LEP: variants seen among roughly 807,000 people sequenced by gnomAD.
The protein encoded by LEP is leptin, also known as leptin (murine obesity homolog).
In LEP, 6 loss-of-function variants were observed where a neutral mutation model predicts 9.8. The observed-to-expected ratio is 0.61, with a 90% CI of 0.34 to 1.21. The LOEUF is 1.21. Among genes scored for constraint, LEP ranks in the 50% most tolerant of loss-of-function variants. The pLI, the probability that LEP is intolerant of heterozygous loss-of-function variation, is 0.04. For missense variants in LEP, 134 were observed against 198.1 expected (o/e 0.68, Z 1.94); for synonymous variants, 112 against 81.7 (o/e 1.37, Z -2.00).
chr7:128,250,120 G>A (rs1795256997), intron 1 of LEP, among the ~76,000 whole-genome samples: 2 of 152,208 alleles, frequency 1.3e-5, no homozygotes, highest in Non-Finnish European at 1.5e-5. Flanking sequence ...GCTAACAAGA[G>A]TGGAGCCTGC....
At chr7:128,246,315 G>A (rs540861814) in intron 1 of LEP, among the ~76,000 whole-genome samples, 3 of 152,206 alleles carry the variant, frequency 2.0e-5, no homozygotes, top group South Asian at 4.1e-4. Context: ...TGGGGGTGGG[G>A]TCCACCTGAG....
intron 2 of LEP, among the ~76,000 whole-genome samples, chr7:128,253,817 G>A (rs1258329669): frequency 6.6e-6 from 1 of 152,236 alleles, no homozygotes; most frequent in African/African-American, 2.4e-5. Flanking sequence ...CCCACCTTGG[G>A]TGGTGTAATA....
chr7:128,247,381 C>T (rs1795223800), intron 1 of LEP, among the ~76,000 whole-genome samples: 1 of 152,188 alleles, frequency 6.6e-6, no homozygotes, highest in South Asian at 2.1e-4. Flanking sequence ...TCCAAAATCT[C>T]TCCTCATGTC....
At chr7:128,245,827 G>A (rs1370917517) in intron 1 of LEP, among the ~76,000 whole-genome samples, 1 of 152,124 alleles carries the variant, frequency 6.6e-6, no homozygotes, top group African/African-American at 2.4e-5. Context: ...ATTTTGGGAG[G>A]CCGAGGCGGG....
chr7:128,247,604 T>C (rs1483730080), intron 1 of LEP, among the ~76,000 whole-genome samples: 1 of 152,060 alleles, frequency 6.6e-6, no homozygotes, highest in African/African-American at 2.4e-5. Context: ...GGCTGCCCTC[T>C]CCTCCACCTT....
In LEP at chr7:128,241,314, C is replaced by T. The variant is rs1795148255; in HGVS notation, c.-29+8C>T. 6.5e-6 allele frequency: 1 copy of T among 154,104 alleles called. No homozygotes were observed. The highest frequency in any genetic ancestry group is 2.4e-5 in the African/African-American group (1 of 41,496). The allele number at this position is 154,104 out of a possible 1,614,324, so 9.5% of individuals were successfully genotyped here. A position where few individuals can be genotyped will look rare whatever the true frequency, so the allele number is the denominator to read the frequency against. ...AGCGCCAGCGGTTGCAAGGTAAGGC[C>T]CCGGCGCGCTCCTTCCTCCTTCTCT... On this transcript the variant is annotated splice_region_variant and intron_variant, in intron 1 of 2. Transcript: ENST00000308868.
At position 128,245,835 on chromosome 7, in the gene LEP, G is replaced by A. The variant is rs192696222; in HGVS notation, c.-29+4529G>A. On this transcript the variant is annotated intron_variant, in intron 1 of 2. Coordinates refer to ENST00000308868, the MANE Select transcript of LEP (RefSeq NM_000230.3). The stretch of plus-strand genomic sequence containing the variant: ...TCCCAGCATTTTGGGAGGCCGAGGC[G>A]GGTGGATCACGAGGTCAGGAGTTTG... 1.2e-3 allele frequency among the ~76,000 whole-genome samples: 179 copies of A among 152,170 alleles called. 1 individual carries two copies. Among genetic ancestry groups the A allele is most frequent in the Middle Eastern group, 3.4e-3 (1 of 294 alleles).
At chr7:128,247,417 C>A (rs1158694955) in intron 1 of LEP, among the ~76,000 whole-genome samples, 4 of 152,178 alleles carry the variant, frequency 2.6e-5, no homozygotes, top group African/African-American at 4.8e-5. Flanking sequence ...CTCCATCCTT[C>A]TAGTCAGCCA....
chr7:128,245,924 C>T (rs904062857), intron 1 of LEP, among the ~76,000 whole-genome samples: 6 of 151,602 alleles, frequency 4.0e-5, no homozygotes, highest in Non-Finnish European at 7.4e-5. Flanking sequence ...TAGCCAGGTG[C>T]GGTGGTGGGC....
At chr7:128,247,313 A>G (rs917292468) in intron 1 of LEP, among the ~76,000 whole-genome samples, 4 of 152,164 alleles carry the variant, frequency 2.6e-5, no homozygotes, top group Non-Finnish European at 5.9e-5. Flanking sequence ...GCAGCTGGGC[A>G]GGCTCACCAG....
chr7:128,253,839 G>A (rs749173637), intron 2 of LEP, among the ~76,000 whole-genome samples: 6 of 152,352 alleles, frequency 3.9e-5, no homozygotes, highest in African/African-American at 7.2e-5. Flanking sequence ...ACAATATCAC[G>A]GGAGCCCCGG....
intron 1 of LEP, among the ~76,000 whole-genome samples, chr7:128,246,333 A>G (rs1795210804): frequency 6.6e-6 from 1 of 152,180 alleles, no homozygotes. Context: ...GAGGATAAGT[A>G]ACAGTGAGGC....
intron 1 of LEP, among the ~76,000 whole-genome samples, chr7:128,249,422 A>G (rs914720147): frequency 2.6e-5 from 4 of 152,322 alleles, no homozygotes; most frequent in East Asian, 1.9e-4. Context: ...GTTGGCTACC[A>G]TATCTATAGT....
At chr7:128,252,776 A>T (rs1795291037) in intron 2 of LEP, among the ~76,000 whole-genome samples, 1 of 151,226 alleles carries the variant, frequency 6.6e-6, no homozygotes, top group South Asian at 2.1e-4. Context: ...TTGATCAGGC[A>T]TGATGGGTCA....
intron 1 of LEP, among the ~76,000 whole-genome samples, chr7:128,246,479 G>A (rs1795212552): frequency 6.6e-6 from 1 of 152,072 alleles, no homozygotes; most frequent in Non-Finnish European, 1.5e-5. Context: ...TTAAGAGATG[G>A]GGTCTTGCTG....
At chr7:128,254,322 A>C (rs1393022297) in intron 2 of LEP, 82 bp from the exon 3 acceptor site, 1 of 1,570,208 alleles carries the variant, frequency 6.4e-7, no homozygotes, top group East Asian at 2.2e-5. Flanking sequence ...ATGACCCTCC[A>C]TGCCCACGGG....
chr7:128,247,501 G>A (rs578179592), intron 1 of LEP, among the ~76,000 whole-genome samples: 9 of 152,250 alleles, frequency 5.9e-5, no homozygotes, highest in Middle Eastern at 3.4e-3. Flanking sequence ...CTGCCCCTGC[G>A]ATTCCAGCCC....
At chr7:128,248,197 A>G (rs10243710) in intron 1 of LEP, among the ~76,000 whole-genome samples, 140,644 of 151,686 alleles carry the variant, frequency 0.93, 65,294 homozygotes, top group East Asian at 1. Flanking sequence ...TTGGGAGGCC[A>G]AGGCAGGTGG....
intron 1 of LEP, among the ~76,000 whole-genome samples, chr7:128,251,013 G>A (rs1165308759): frequency 6.6e-6 from 1 of 152,192 alleles, no homozygotes; most frequent in Non-Finnish European, 1.5e-5. Flanking sequence ...CGTTCTGGGT[G>A]AATGTGTTAT....
Sources: gnomAD v4.1 joint callset for allele counts (sites outside exome capture counted in the v4.1 genomes callset) on GRCh38, gnomAD v4.1.1 for gene constraint, MANE v1.5 for transcripts, NCBI Gene and HGNC (gene_info 2026-07-23, HGNC 2026-07-21) for gene names.